The following TRAK1 variants were observed in gnomAD, a reference collection of about 807,000 sequenced individuals.
TRAK1 encodes trafficking kinesin protein 1.
A neutral mutation model predicts 92.1 loss-of-function variants in TRAK1; 33 were observed. The observed-to-expected ratio is 0.36, with a 90% CI of 0.27 to 0.48. The LOEUF is 0.48. TRAK1 is among the 20% of genes least tolerant of loss of function. TRAK1 has a pLI of 0.99. For missense variants in TRAK1, 1,123 were observed against 1,257.9 expected (o/e 0.89, Z 1.62); for synonymous variants, 521 against 517.3 (o/e 1.01, Z -0.10).
At chr3:42,125,738 C>A in intron 2 of TRAK1, 124 bp downstream of exon 2, 2 of 1,087,664 alleles carry the variant, frequency 1.8e-6, no homozygotes, top group Non-Finnish European at 2.6e-6. Context: ...GAAAGGTAGT[C>A]AAAGAAATGC....
intron 3 of TRAK1, among the ~76,000 whole-genome samples, chr3:42,182,217 C>CA (rs1157946389): frequency 2.0e-5 from 3 of 152,132 alleles, no homozygotes; most frequent in Non-Finnish European, 4.4e-5. Context: ...GCCGTCTCCA[C>CA]ATGTACTGTG....
intron 1 of TRAK1, among the ~76,000 whole-genome samples, chr3:42,124,090 A>T (rs962593964): frequency 1.3e-5 from 2 of 151,778 alleles, no homozygotes; most frequent in African/African-American, 4.8e-5. Flanking sequence ...GTGAGCCAAT[A>T]TTGTGCCACT....
chr3:42,034,441 C>T (rs998512772), intron 1 of TRAK1, among the ~76,000 whole-genome samples: 3 of 152,190 alleles, frequency 2.0e-5, no homozygotes, highest in Middle Eastern at 3.4e-3. Flanking sequence ...CACAGGCATG[C>T]GCCACTACAC....
chr3:42,208,459 C>T (rs528253491), intron 13 of TRAK1, among the ~76,000 whole-genome samples: 116 of 152,292 alleles, frequency 7.6e-4, no homozygotes, highest in African/African-American at 2.7e-3. Flanking sequence ...TCTCCCTCAC[C>T]CCACCGCCTC....
At position 42,143,900 on chromosome 3, in the gene TRAK1, CT is replaced by C. The variant is rs1699010581; in HGVS notation, c.286+18290del. ...TTTGTCTTTCCAAGCATATGAAATA[CT>C]TTTGGTGTAGTTCACTTTGAAATTG... On this transcript the variant is annotated intron_variant, in intron 2 of 15. Coordinates refer to ENST00000327628, the MANE Select transcript of TRAK1 (RefSeq NM_001042646.3). Among the ~76,000 whole-genome samples the C allele has an allele frequency of 1.3e-5, 2 of 152,194 alleles. 1 individual carries two copies. Among genetic ancestry groups the C allele is most frequent in the African/African-American group, 4.8e-5 (2 of 41,448 alleles).
At chr3:42,073,229 G>C (rs1213365652) in intron 1 of TRAK1, among the ~76,000 whole-genome samples, 2 of 152,152 alleles carry the variant, frequency 1.3e-5, no homozygotes, top group African/African-American at 4.8e-5. Context: ...AGTTGTCCTT[G>C]ACCCTTTGTC....
At chr3:42,162,814 T>C (rs1181676290) in intron 2 of TRAK1, among the ~76,000 whole-genome samples, 1 of 152,216 alleles carries the variant, frequency 6.6e-6, no homozygotes, top group Non-Finnish European at 1.5e-5. Context: ...GGCCTAGGTC[T>C]TATTACCCTC....
intron 2 of TRAK1, among the ~76,000 whole-genome samples, chr3:42,131,326 G>T (rs1697169133): frequency 6.6e-6 from 1 of 152,084 alleles, no homozygotes; most frequent in African/African-American, 2.4e-5. Flanking sequence ...TGTCTCTCTG[G>T]ACAGTCTTTC....
upstream of TRAK1, among the ~76,000 whole-genome samples, chr3:42,089,620 T>C (rs573162966): frequency 6.6e-6 from 1 of 151,700 alleles, no homozygotes; most frequent in East Asian, 1.9e-4. Flanking sequence ...ACTCCAGATA[T>C]CCTTATGACC....
chr3:42,104,949 CTT>C (rs34326359), intron 1 of TRAK1, among the ~76,000 whole-genome samples: 66,428 of 130,430 alleles, frequency 0.51, 15,564 homozygotes, highest in South Asian at 0.63. Flanking sequence ...AGCTAAAAAT[CTT>C]TTTTTTTTTT....
chr3:42,201,892 A>G (rs1469096993), intron 12 of TRAK1, among the ~76,000 whole-genome samples: 1 of 143,152 alleles, frequency 7.0e-6, no homozygotes, highest in African/African-American at 2.6e-5. Flanking sequence ...GGACACACAC[A>G]CACACACACA....
Position 42,056,764 on chromosome 3 carries a change from G to A in TRAK1, c.-518-30340G>A, listed in dbSNP as rs371784262. 2.3e-3 allele frequency among the ~76,000 whole-genome samples: 345 copies of A among 152,242 alleles called. 1 individual carries two copies. Among genetic ancestry groups the A allele is most frequent in the African/African-American group, 7.0e-3 (291 of 41,564 alleles). ...TAACCTTTAAATGTATGCCATGTTA[G>A]GATACAATATTGAGTGCTTGTATAT... On this transcript the variant is annotated intron_variant, in intron 1 of 16. Coordinates refer to the TRAK1 transcript ENST00000487159.
chr3:42,198,048 C>G (rs1015284642), intron 10 of TRAK1, among the ~76,000 whole-genome samples: 10 of 152,254 alleles, frequency 6.6e-5, no homozygotes, highest in Non-Finnish European at 1.2e-4. Flanking sequence ...ATGCGTCCAT[C>G]ATCACAGGTT....
intron 11 of TRAK1, 73 bp downstream of exon 11, chr3:42,199,326 C>T: frequency 1.4e-6 from 2 of 1,473,802 alleles, no homozygotes; most frequent in Non-Finnish European, 1.9e-6. Context: ...CAAAACCTAG[C>T]AATGTTGAGG....
intron 5 of TRAK1, 73 bp downstream of exon 5, chr3:42,188,218 C>T (rs1269224992): frequency 2.8e-6 from 4 of 1,423,450 alleles, no homozygotes; most frequent in Non-Finnish European, 4.0e-6. Flanking sequence ...TTGGAGTCAC[C>T]TAGACAGGGT....
At chr3:42,117,759 G>A (rs572567024) in intron 1 of TRAK1, among the ~76,000 whole-genome samples, 2 of 152,178 alleles carry the variant, frequency 1.3e-5, no homozygotes, top group East Asian at 1.9e-4. Flanking sequence ...TGTGGAGGAG[G>A]AGGTCCCTTG....
At chr3:42,023,340 A>G (rs561232464) in intron 1 of TRAK1, among the ~76,000 whole-genome samples, 10 of 152,246 alleles carry the variant, frequency 6.6e-5, no homozygotes, top group African/African-American at 2.2e-4. Flanking sequence ...CATCCACATT[A>G]GGTCACTAGG....
chr3:42,160,553 G>T, intron 2 of TRAK1: 5 of 1,337,598 alleles, frequency 3.7e-6, no homozygotes, highest in Non-Finnish European at 5.1e-6. Context: ...TGATTTCATA[G>T]CACTGTTTTG....
upstream of TRAK1, among the ~76,000 whole-genome samples, chr3:42,090,328 G>A (rs1479283252): frequency 1.3e-5 from 2 of 152,232 alleles, no homozygotes; most frequent in Non-Finnish European, 2.9e-5. Context: ...CATCCAGCCT[G>A]TTAAAGTGCT....
Sources: allele counts gnomAD v4.1 joint callset (sites outside exome capture counted in the v4.1 genomes callset), GRCh38; gene constraint gnomAD v4.1.1; transcripts MANE v1.5; gene names NCBI Gene and HGNC (gene_info 2026-07-23, HGNC 2026-07-21).